The following CHRNA3 variants were observed in gnomAD, a reference collection of about 807,000 sequenced individuals.
CHRNA3 encodes the protein cholinergic receptor nicotinic alpha 3 subunit.
CHRNA3 carries 34 observed loss-of-function variants against 41.9 expected under a neutral mutation model. The ratio of observed to expected loss-of-function variants is 0.81; its 90% CI spans 0.62 to 1.08. The LOEUF (loss-of-function observed/expected upper bound fraction) is 1.08, where lower values mean the gene tolerates loss of function less well. Ranked by LOEUF, CHRNA3 falls within the 50% of genes least tolerant of loss-of-function variation. The pLI is 0.00. For missense variants in CHRNA3, 542 were observed against 638.3 expected (o/e 0.85, Z 1.63); for synonymous variants, 281 against 265.2 (o/e 1.06, Z -0.58).
At position 78,595,401 on chromosome 15, in the gene CHRNA3, C is replaced by T. The variant is rs76146553; in HGVS notation, c.*1203G>A. The T allele has an allele frequency of 5.3e-5, 52 of 984,666 alleles. No individual in the cohort carries two copies. The highest frequency in any genetic ancestry group is 6.1e-5 in the Non-Finnish European group (51 of 829,480). The allele number at this position is 984,666 out of a possible 1,614,324, so 61.0% of individuals were successfully genotyped here. On this transcript the variant is annotated 3_prime_UTR_variant, in exon 6 of 6. Coordinates refer to ENST00000326828, the MANE Select transcript of CHRNA3 (RefSeq NM_000743.5). Reference sequence around the variant, plus strand: ...AATCATCTGTCAGTGGTGATGATCACGTTAAGTTTCAGAAGTGTAGTACAT... The same window carrying T: ...AATCATCTGTCAGTGGTGATGATCATGTTAAGTTTCAGAAGTGTAGTACAT...
chr15:78,599,647 T>G (rs1453580792), intron 5 of CHRNA3, among the ~76,000 whole-genome samples: 2 of 149,844 alleles, frequency 1.3e-5, no homozygotes, highest in Admixed American at 1.3e-4. Flanking sequence ...CCTCCTCTCC[T>G]TTGTAGCCCC....
intron 1 of CHRNA3, among the ~76,000 whole-genome samples, chr15:78,620,412 A>G (rs2053531570): frequency 6.6e-6 from 1 of 151,898 alleles, no homozygotes; most frequent in South Asian, 2.1e-4. Flanking sequence ...CGAATCCCCA[A>G]CTCCTGCGCC....
downstream of CHRNA3, chr15:78,593,545 C>T (rs199612620): frequency 2.4e-5 from 5 of 205,098 alleles, no homozygotes; most frequent in Non-Finnish European, 3.9e-5. Flanking sequence ...TTATAATCCA[C>T]AGTAAAGTTC....
intron 3 of CHRNA3, 76 bp downstream of exon 3, chr15:78,618,541 G>A (rs1596085538): frequency 6.5e-7 from 1 of 1,543,074 alleles, no homozygotes; most frequent in Non-Finnish European, 8.9e-7. Context: ...TGGTCTTTAG[G>A]CCTTTCTTGG....
chr15:78,618,952 GTTACT>G (rs1321162380), intron 1 of CHRNA3, 37 bp from the exon 2 acceptor site: 25 of 1,607,332 alleles, frequency 1.6e-5, no homozygotes, highest in Non-Finnish European at 2.1e-5. Context: ...TGGGGAAATC[GTTACT>G]TAACCTCCCC....
chr15:78,610,046 A>T (rs914585631), intron 4 of CHRNA3, among the ~76,000 whole-genome samples: 2 of 152,232 alleles, frequency 1.3e-5, no homozygotes, highest in African/African-American at 4.8e-5. Context: ...ATATATAGGC[A>T]CCCAATACAG....
chr15:78,608,993 T>C (rs1429334391), intron 4 of CHRNA3, among the ~76,000 whole-genome samples: 1 of 151,996 alleles, frequency 6.6e-6, no homozygotes, highest in Non-Finnish European at 1.5e-5. Flanking sequence ...TGATGGAAGA[T>C]GAAATGAATG....
chr15:78,616,477 A>C (rs937771822), intron 4 of CHRNA3, among the ~76,000 whole-genome samples: 1 of 151,472 alleles, frequency 6.6e-6, no homozygotes, highest in African/African-American at 2.4e-5. Flanking sequence ...ATTCTCTTTC[A>C]AAGACAAGGT....
At chr15:78,602,593 G>T (rs2053223255) in intron 4 of CHRNA3, among the ~76,000 whole-genome samples, 2 of 152,298 alleles carry the variant, frequency 1.3e-5, no homozygotes, top group Non-Finnish European at 2.9e-5. Flanking sequence ...GAAATGGGAG[G>T]AAGGTCATCC....
intron 5 of CHRNA3, chr15:78,599,995 T>G (rs1381329867): frequency 7.5e-5 from 9 of 120,128 alleles, no homozygotes; most frequent in African/African-American, 2.8e-4. Context: ...CCATTCTGGG[T>G]GACAGAGCAA....
At chr15:78,611,895 C>T (rs2053385528) in intron 4 of CHRNA3, among the ~76,000 whole-genome samples, 1 of 151,966 alleles carries the variant, frequency 6.6e-6, no homozygotes, top group African/African-American at 2.4e-5. Context: ...AATCAATGTA[C>T]AAAAATCACA....
At chr15:78,602,469 T>G (rs2053221421) in intron 4 of CHRNA3, among the ~76,000 whole-genome samples, 2 of 152,142 alleles carry the variant, frequency 1.3e-5, no homozygotes, top group Non-Finnish European at 2.9e-5. Flanking sequence ...AACAACAATC[T>G]GAGATATGGA....
At chr15:78,605,852 A>ATGTCATGACTGAGG (rs1227142791) in intron 4 of CHRNA3, among the ~76,000 whole-genome samples, 3 of 152,176 alleles carry the variant, frequency 2.0e-5, no homozygotes, top group Non-Finnish European at 2.9e-5. Flanking sequence ...CTGTGCGGTC[A>ATGTCATGACTGAGG]TGTCATGACT....
intron 4 of CHRNA3, among the ~76,000 whole-genome samples, chr15:78,609,729 T>C (rs1303369878): frequency 1.3e-5 from 2 of 152,094 alleles, no homozygotes; most frequent in Admixed American, 6.5e-5. Flanking sequence ...CACATAACAA[T>C]ATTAACTTTA....
At chr15:78,619,454 C>T (rs2053516266) in intron 1 of CHRNA3, among the ~76,000 whole-genome samples, 1 of 152,064 alleles carries the variant, frequency 6.6e-6, no homozygotes, top group Non-Finnish European at 1.5e-5. Context: ...ATGGCCAGTC[C>T]GCTCCCAGGG....
chr15:78,593,268 C>A, downstream of CHRNA3: 2 of 1,591,224 alleles, frequency 1.3e-6, no homozygotes, highest in Non-Finnish European at 1.7e-6. Context: ...TCCCAAGGGA[C>A]TGAAGTATAC....
chr15:78,614,745 T>A (rs912071971), intron 4 of CHRNA3, among the ~76,000 whole-genome samples: 8 of 152,364 alleles, frequency 5.3e-5, no homozygotes, highest in Admixed American at 3.9e-4. Context: ...TCAAACATTT[T>A]AACTCTAAAA....
chr15:78,604,243 C>T (rs1200663029), intron 4 of CHRNA3, among the ~76,000 whole-genome samples: 1 of 152,192 alleles, frequency 6.6e-6, no homozygotes, highest in Non-Finnish European at 1.5e-5. Flanking sequence ...ACTGTATGAC[C>T]CACAACGCCT....
At position 78,601,879 on chromosome 15, in the gene CHRNA3, T is replaced by C. The variant is rs759677807; in HGVS notation, c.763A>G (p.Ile255Val). The C allele has an allele frequency of 1.9e-6, 3 of 1,613,794 alleles. No homozygotes were observed. In the Admixed American group the frequency reaches 5.0e-5, roughly 27 times the overall value. The change falls in exon 5 of 6, where the codon ATC (isoleucine) becomes GTC (valine). Residue 255 changes from isoleucine (I) to valine (V), a missense_variant. Coordinates refer to ENST00000326828, the MANE Select transcript of CHRNA3 (RefSeq NM_000743.5). ...AAGACGAGCACAGTGAGGAAGGAGA[T>C]GAGCAGGCAGGGGATGATGAGGTTG... ...TINLIIPCLL[I>V]SFLTVLVFYL...
Sources: allele counts gnomAD v4.1 joint callset (sites outside exome capture counted in the v4.1 genomes callset), GRCh38; gene constraint gnomAD v4.1.1; transcripts MANE v1.5; gene names NCBI Gene and HGNC (gene_info 2026-07-23, HGNC 2026-07-21).